INPP4B: variants seen among roughly 807,000 people sequenced by gnomAD.
INPP4B encodes inositol polyphosphate-4-phosphatase type II B.
In INPP4B, 55 loss-of-function variants were observed where a neutral mutation model predicts 122.5. The observed-to-expected ratio is 0.45, with a 90% CI of 0.36 to 0.56. The LOEUF (loss-of-function observed/expected upper bound fraction) is 0.56. Ranked by LOEUF, INPP4B falls within the 20% of genes least tolerant of loss-of-function variation. The probability of loss-of-function intolerance (pLI) is 0.00; values close to 1 mark genes in which losing one functional copy is unlikely to be tolerated. For missense variants in INPP4B, 1,000 were observed against 1,097.7 expected (o/e 0.91, Z 1.26); for synonymous variants, 403 against 388.7 (o/e 1.04, Z -0.43).
intron 19 of INPP4B, among the ~76,000 whole-genome samples, chr4:142,123,720 CA>C (rs1797527921): frequency 6.6e-6 from 1 of 152,006 alleles, no homozygotes; most frequent in Non-Finnish European, 1.5e-5. Flanking sequence ...TAAGCACTTC[CA>C]AATCTTACTA....
chr4:142,034,262 T>C (rs947964430), intron 25 of INPP4B, among the ~76,000 whole-genome samples: 2 of 152,138 alleles, frequency 1.3e-5, no homozygotes, highest in Non-Finnish European at 2.9e-5. Flanking sequence ...GGAAGGATTG[T>C]TGGTTGTCAT....
rs910649085 is a variant in INPP4B, at chr4:142,721,550, C to G, written c.-191+4289G>C. ...TAAAACGATGTCATAAGGCCGGGCG[C>G]TGTGGCTCACGCCTGTAATCCCAGC... On this transcript the variant is annotated intron_variant, in intron 2 of 25. Transcript: ENST00000262992. Among the ~76,000 whole-genome samples the G allele has an allele frequency of 3.3e-5, 5 of 152,322 alleles. No individual in the cohort carries two copies. The South Asian group carries it at 6.2e-4, about 19-fold the overall frequency.
chr4:142,503,603 A>G (rs1039871939), intron 2 of INPP4B, among the ~76,000 whole-genome samples: 5 of 152,138 alleles, frequency 3.3e-5, no homozygotes, highest in African/African-American at 4.8e-5. Flanking sequence ...CATACATCCA[A>G]TGGAATTGCA....
intron 2 of INPP4B, among the ~76,000 whole-genome samples, chr4:142,620,266 A>G (rs1197324566): frequency 1.3e-5 from 2 of 152,028 alleles, no homozygotes; most frequent in Admixed American, 6.6e-5. Flanking sequence ...ATGCCCATCA[A>G]CTGTGGACTG....
intron 7 of INPP4B, among the ~76,000 whole-genome samples, chr4:142,318,372 A>G (rs563388910): frequency 6.6e-6 from 1 of 152,158 alleles, no homozygotes; most frequent in East Asian, 1.9e-4. Context: ...ACTGATTTAG[A>G]TGAGACCTCT....
Position 142,458,468 on chromosome 4 carries a change from T to A in INPP4B, c.-127+4195A>T, listed in dbSNP as rs552179393. 2.6e-3 allele frequency among the ~76,000 whole-genome samples: 401 copies of A among 152,104 alleles called. 1 individual carries two copies. The highest frequency in any genetic ancestry group is 9.6e-3 in the African/African-American group (397 of 41,542). On this transcript the variant is annotated intron_variant, in intron 3 of 25. Transcript: ENST00000262992. ...ATAAAAACAAAAAATATTTTAGAAG[T>A]GGTCATTAAATATTATGGTATTATT... is the stretch of plus-strand genomic sequence containing the variant.
intron 25 of INPP4B, among the ~76,000 whole-genome samples, chr4:142,077,368 G>C (rs2152509492): frequency 6.6e-6 from 1 of 151,996 alleles, no homozygotes; most frequent in Non-Finnish European, 1.5e-5. Context: ...ACTTTGTGTA[G>C]TCATCATCCT....
chr4:142,078,563 T>A (rs1235117600), intron 25 of INPP4B, among the ~76,000 whole-genome samples: 2 of 152,004 alleles, frequency 1.3e-5, no homozygotes, highest in African/African-American at 4.8e-5. Flanking sequence ...AACGAAAATC[T>A]CTACCTTCAG....
intron 1 of INPP4B, among the ~76,000 whole-genome samples, chr4:142,728,061 G>A (rs1765561425): frequency 1.3e-5 from 2 of 152,288 alleles, no homozygotes; most frequent in East Asian, 1.9e-4. Context: ...CATAAAAAAA[G>A]GAAGTCCACA....
intron 2 of INPP4B, among the ~76,000 whole-genome samples, chr4:142,537,848 G>A (rs1288657498): frequency 6.6e-6 from 1 of 151,180 alleles, no homozygotes; most frequent in Non-Finnish European, 1.5e-5. Flanking sequence ...AATAATTATT[G>A]CAAAACTTAC....
At chr4:142,537,400 G>GCATATATATATATATATA (rs781076599) in intron 2 of INPP4B, among the ~76,000 whole-genome samples, 3 of 32,990 alleles carry the variant, frequency 9.1e-5, no homozygotes, top group Non-Finnish European at 2.2e-4. Context: ...TTTACATACA[G>GCATATATATATATATATA]TATATATATA....
chr4:142,208,869 G>A (rs202090969), intron 13 of INPP4B, 27 bp downstream of exon 13: 63 of 1,456,102 alleles, frequency 4.3e-5, no homozygotes, highest in Admixed American at 1.0e-4. Context: ...AATTCACTTT[G>A]AGTAAGTAGA....
intron 1 of INPP4B, among the ~76,000 whole-genome samples, chr4:142,769,125 G>T (rs779083962): frequency 2.1e-4 from 32 of 152,166 alleles, no homozygotes; most frequent in African/African-American, 7.0e-4. Context: ...ATGACCCCAG[G>T]TTTCTGTGTT....
At chr4:142,698,900 A>C (rs1761360169) in intron 2 of INPP4B, among the ~76,000 whole-genome samples, 1 of 152,096 alleles carries the variant, frequency 6.6e-6, no homozygotes, top group South Asian at 2.1e-4. Context: ...CTAGCTCAAT[A>C]ATTTTTTACT....
chr4:142,120,334 TA>T (rs1397294164), intron 21 of INPP4B, among the ~76,000 whole-genome samples: 1 of 152,086 alleles, frequency 6.6e-6, no homozygotes, highest in Non-Finnish European at 1.5e-5. Context: ...CATTTACATA[TA>T]AATTTTAGGT....
chr4:142,794,423 A>G (rs1260972090), intron 1 of INPP4B, among the ~76,000 whole-genome samples: 2 of 152,078 alleles, frequency 1.3e-5, no homozygotes, highest in African/African-American at 4.8e-5. Context: ...AAAGAGGCTG[A>G]GACAAAGTGG....
chr4:142,488,116 T>C (rs957272090), intron 2 of INPP4B, among the ~76,000 whole-genome samples: 3 of 152,110 alleles, frequency 2.0e-5, no homozygotes, highest in Non-Finnish European at 4.4e-5. Flanking sequence ...TATGAATGAA[T>C]GTTGAATTTT....
intron 2 of INPP4B, among the ~76,000 whole-genome samples, chr4:142,635,438 C>T (rs1748923624): frequency 6.6e-6 from 1 of 152,102 alleles, no homozygotes; most frequent in African/African-American, 2.4e-5. Context: ...TTCACAATAG[C>T]AAAGACATGG....
chr4:142,800,629 A>G (rs1416277100), intron 1 of INPP4B, among the ~76,000 whole-genome samples: 3 of 152,320 alleles, frequency 2.0e-5, no homozygotes, highest in Admixed American at 6.5e-5. Context: ...TTTAAGTTCT[A>G]AAGGCAAAGC....
Sources: gnomAD v4.1 joint callset for allele counts (sites outside exome capture counted in the v4.1 genomes callset) on GRCh38, gnomAD v4.1.1 for gene constraint, MANE v1.5 for transcripts, NCBI Gene and HGNC (gene_info 2026-07-23, HGNC 2026-07-21) for gene names.